AXDND1: variants seen among roughly 807,000 people sequenced by gnomAD.
The protein encoded by AXDND1 is axonemal dynein light chain domain containing 1, also known as axonemal dynein light chain domain-containing protein 1.
A neutral mutation model predicts 137.5 loss-of-function variants in AXDND1; 110 were observed. That is an observed-to-expected ratio of 0.80 (90% CI 0.69 to 0.94). AXDND1 has a LOEUF of 0.94. Among genes scored for constraint, AXDND1 ranks in the 40% least tolerant of loss-of-function variants. The pLI is 0.00. For missense variants in AXDND1, 1,191 were observed against 1,169.8 expected (o/e 1.02, Z -0.26); for synonymous variants, 414 against 399.7 (o/e 1.04, Z -0.43).
chr1:179,385,094 T>G, intron 8 of AXDND1, 144 bp from the exon 9 acceptor site: 2 of 752,790 alleles, frequency 2.7e-6, no homozygotes, highest in Non-Finnish European at 4.3e-6. Context: ...AATATCACTT[T>G]TGTATATATA....
chr1:179,372,214 C>T (rs1055301430), intron 4 of AXDND1, among the ~76,000 whole-genome samples: 1 of 152,082 alleles, frequency 6.6e-6, no homozygotes, highest in East Asian at 1.9e-4. Flanking sequence ...CAAATATTCT[C>T]GAGTAATATT....
At chr1:179,554,446 A>G in intron 25 of AXDND1, 66 bp from the exon 26 acceptor site, 1 of 1,613,702 alleles carries the variant, frequency 6.2e-7, no homozygotes. Flanking sequence ...CCTTTATCAT[A>G]CAGTTCTTGC....
rs199703017 is a variant in AXDND1 at position 179,421,367 on chromosome 1, C to CTTTTTTTTTTTT, written c.1231-8133_1231-8122dup. Among the ~76,000 whole-genome samples, 14 of 107,210 alleles carry CTTTTTTTTTTTT rather than the reference C, an allele frequency of 1.3e-4. 1 individual carries two copies. The highest frequency in any genetic ancestry group is 3.3e-4 in the African/African-American group (8 of 24,274). The allele number at this position is 107,210 out of a possible 152,430, so 70.3% of individuals were successfully genotyped here. A position where few individuals can be genotyped will look rare whatever the true frequency, so the allele number is the denominator to read the frequency against. On this transcript the variant is annotated intron_variant, in intron 12 of 25. Transcript: ENST00000367618. ...CTTCCTTCCTTTTCTTTTTCTTTTC[C>CTTTTTTTTTTTT]TTTTTTTTTTTTTTTTTTTTTTTTT...
chr1:179,384,143 A>G (rs1238095463), intron 8 of AXDND1, among the ~76,000 whole-genome samples: 1 of 152,208 alleles, frequency 6.6e-6, no homozygotes, highest in African/African-American at 2.4e-5. Context: ...TTTGTTTGGA[A>G]TTGGAAACTT....
chr1:179,515,434 G>C (rs1420465214), intron 21 of AXDND1, among the ~76,000 whole-genome samples: 1 of 152,184 alleles, frequency 6.6e-6, no homozygotes, highest in East Asian at 1.9e-4. Context: ...TGTCTGCTGA[G>C]AAAACTGCTG....
chr1:179,533,556 A>G (rs183858875), intron 23 of AXDND1, among the ~76,000 whole-genome samples: 1 of 150,084 alleles, frequency 6.7e-6, no homozygotes, highest in East Asian at 1.9e-4. Context: ...TTACAATTCA[A>G]ATCAAATTCT....
rs754230269 is a variant in AXDND1 at position 179,379,496 on chromosome 1, T to G, written c.581+14T>G. On this transcript the variant is annotated intron_variant, in intron 6 of 25. Transcript: ENST00000367618. ...GTGTTATGATGAGTGAGTACTATGA[T>G]ATGTAAAAAATACCTGCCCCAGCTC... The G allele has an allele frequency of 6.2e-7, 1 of 1,603,428 alleles. No homozygotes were observed. Among genetic ancestry groups the G allele is most frequent in the South Asian group, 1.1e-5 (1 of 90,398 alleles).
intron 21 of AXDND1, among the ~76,000 whole-genome samples, chr1:179,523,970 T>C (rs1670307224): frequency 2.0e-5 from 3 of 152,170 alleles, no homozygotes; most frequent in Admixed American, 2.0e-4. Context: ...TATTTGGTTT[T>C]CCATTCCTGA....
chr1:179,379,015 G>A lies in AXDND1; in HGVS notation c.495+258G>A, dbSNP rs551436386. ...TCTGTTTTAATCTAAAAAACACAGC[G>A]TGGGAGATTATATTGTTTTTCCCTT... On this transcript the variant is annotated intron_variant, in intron 5 of 25. Coordinates refer to ENST00000367618, the MANE Select transcript of AXDND1 (RefSeq NM_144696.6). Among the ~76,000 whole-genome samples the A allele has an allele frequency of 6.6e-5, 10 of 152,242 alleles. No individual in the cohort carries two copies. In the South Asian group the frequency reaches 1.5e-3, roughly 22 times the overall value.
chr1:179,486,860 G>A (rs1666141232), intron 18 of AXDND1, among the ~76,000 whole-genome samples: 1 of 148,562 alleles, frequency 6.7e-6, no homozygotes, highest in African/African-American at 2.6e-5. Flanking sequence ...ACCATTACCA[G>A]CCACGACAAA....
intron 20 of AXDND1, among the ~76,000 whole-genome samples, chr1:179,504,348 G>A (rs893044037): frequency 1.4e-4 from 22 of 152,302 alleles, no homozygotes; most frequent in African/African-American, 4.1e-4. Context: ...ATGTGGTGGG[G>A]ATCCTGATTT....
chr1:179,462,353 G>A (rs1361407326), intron 16 of AXDND1, among the ~76,000 whole-genome samples: 7 of 152,124 alleles, frequency 4.6e-5, no homozygotes, highest in Non-Finnish European at 1.0e-4. Flanking sequence ...TACATTTATC[G>A]ATTTTCATAT....
At chr1:179,551,322 G>A in intron 25 of AXDND1, 1 of 1,614,142 alleles carries the variant, frequency 6.2e-7, no homozygotes, top group South Asian at 1.1e-5. Context: ...ACAGTGGAAG[G>A]CTTCTCTGTG....
At chr1:179,504,686 T>A (rs1025892101) in intron 20 of AXDND1, among the ~76,000 whole-genome samples, 54 of 152,276 alleles carry the variant, frequency 3.5e-4, no homozygotes, top group Admixed American at 3.1e-3. Flanking sequence ...CCCCATCCCC[T>A]GACTGGATGC....
At chr1:179,416,733 CT>C (rs1654764021) in intron 12 of AXDND1, among the ~76,000 whole-genome samples, 1 of 152,128 alleles carries the variant, frequency 6.6e-6, no homozygotes, top group South Asian at 2.1e-4. Context: ...TGGAGGGTTG[CT>C]TTTGTGTTGC....
chr1:179,380,121 T>C (rs1571555766), intron 6 of AXDND1, among the ~76,000 whole-genome samples: 1 of 151,426 alleles, frequency 6.6e-6, no homozygotes, highest in Non-Finnish European at 1.5e-5. Context: ...TGGTGGTGGG[T>C]GCCTGTAGTC....
At chr1:179,436,092 A>G (rs892902685) in intron 15 of AXDND1, among the ~76,000 whole-genome samples, 1 of 152,230 alleles carries the variant, frequency 6.6e-6, no homozygotes, top group African/African-American at 2.4e-5. Context: ...GAAGAAAAAA[A>G]AAGCTCAACA....
At chr1:179,503,440 T>C (rs1668224627) in intron 20 of AXDND1, among the ~76,000 whole-genome samples, 1 of 152,004 alleles carries the variant, frequency 6.6e-6, no homozygotes, top group African/African-American at 2.4e-5. Flanking sequence ...AAGGAGAAAA[T>C]TGGCCAATTT....
intron 20 of AXDND1, among the ~76,000 whole-genome samples, chr1:179,502,048 T>C (rs72704442): frequency 0.3 from 45,681 of 152,046 alleles, 7,567 homozygotes; most frequent in Middle Eastern, 0.42. Context: ...TTGCAACACT[T>C]ATAACTGACA....
Sources: allele counts gnomAD v4.1 joint callset (sites outside exome capture counted in the v4.1 genomes callset), GRCh38; gene constraint gnomAD v4.1.1; transcripts MANE v1.5; gene names NCBI Gene and HGNC (gene_info 2026-07-23, HGNC 2026-07-21).